The following SLC4A4 variants were observed in gnomAD, a reference collection of about 807,000 sequenced individuals.
SLC4A4 encodes electrogenic sodium bicarbonate cotransporter 1.
In SLC4A4, 27 loss-of-function variants were observed where a neutral mutation model predicts 111.5. The ratio of observed to expected loss-of-function variants is 0.24; its 90% CI spans 0.18 to 0.33. The LOEUF is 0.33. Among genes scored for constraint, SLC4A4 ranks in the 10% least tolerant of loss-of-function variants. The pLI, the probability that SLC4A4 is intolerant of heterozygous loss-of-function variation, is 1.00. For synonymous variants in SLC4A4, 443 were observed against 463.4 expected (o/e 0.96, Z 0.57); for missense variants, 909 against 1,315.5 (o/e 0.69, Z 4.78).
chr4:71,329,092 G>A (rs773819658), intron 3 of SLC4A4, among the ~76,000 whole-genome samples: 4 of 151,946 alleles, frequency 2.6e-5, no homozygotes, highest in Non-Finnish European at 5.9e-5. Flanking sequence ...CCCAATGTAT[G>A]TTCTTGGCAC....
intron 13 of SLC4A4, among the ~76,000 whole-genome samples, chr4:71,469,229 G>T (rs1440115032): frequency 6.6e-6 from 1 of 151,820 alleles, no homozygotes; most frequent in African/African-American, 2.4e-5. Flanking sequence ...GTGTTCTAAG[G>T]TATATAAAAA....
intron 16 of SLC4A4, among the ~76,000 whole-genome samples, chr4:71,522,729 T>C (rs548902624): frequency 1.3e-5 from 2 of 152,340 alleles, no homozygotes; most frequent in East Asian, 1.9e-4. Flanking sequence ...CATAAGATTA[T>C]TTTTAATATA....
At chr4:71,513,227 A>G (rs533228086) in intron 16 of SLC4A4, among the ~76,000 whole-genome samples, 5 of 152,182 alleles carry the variant, frequency 3.3e-5, no homozygotes, top group South Asian at 2.1e-4. Flanking sequence ...TGCTTTGTAC[A>G]TTATGGTCAT....
chr4:71,255,441 C>G, intron 3 of SLC4A4, 42 bp downstream of exon 3: 1 of 1,598,252 alleles, frequency 6.3e-7, no homozygotes, highest in Non-Finnish European at 8.6e-7. Context: ...CTGCCTCACT[C>G]CCACATCTTT....
At chr4:71,390,729 T>C (rs937569514) in intron 6 of SLC4A4, among the ~76,000 whole-genome samples, 1 of 152,160 alleles carries the variant, frequency 6.6e-6, no homozygotes, top group Non-Finnish European at 1.5e-5. Flanking sequence ...CATTTTCTCT[T>C]TATTAGCCAT....
intron 1 of SLC4A4, among the ~76,000 whole-genome samples, chr4:71,191,150 A>G (rs757183335): frequency 6.6e-6 from 1 of 152,252 alleles, no homozygotes; most frequent in African/African-American, 2.4e-5. Flanking sequence ...AGGCTAAGCT[A>G]TGATGTTTGG....
intron 1 of SLC4A4, among the ~76,000 whole-genome samples, chr4:71,190,868 A>G (rs1024384508): frequency 6.6e-6 from 1 of 151,890 alleles, no homozygotes; most frequent in Non-Finnish European, 1.5e-5. Flanking sequence ...CCTTAATGAT[A>G]ATGTCTTACT....
chr4:71,437,721 A>T (rs1459673454), intron 7 of SLC4A4: 2 of 344,198 alleles, frequency 5.8e-6, no homozygotes, highest in Admixed American at 3.0e-5. Flanking sequence ...TCTTATTGGG[A>T]TGAGCGGCCC....
intron 2 of SLC4A4, among the ~76,000 whole-genome samples, chr4:71,241,716 A>C (rs1342120228): frequency 1.3e-5 from 2 of 152,220 alleles, no homozygotes; most frequent in Admixed American, 1.3e-4. Flanking sequence ...GTGTGTACAG[A>C]GGAAACTCTT....
chr4:71,448,280 A>G lies in SLC4A4; in HGVS notation c.1053+547A>G, dbSNP rs543089026. Reference sequence around the variant, plus strand: ...GGTTGCAGTGAGCTGAGATCACGCCACTGCACTCCAGCCTGGGCAACAGAG... The same window carrying G: ...GGTTGCAGTGAGCTGAGATCACGCCGCTGCACTCCAGCCTGGGCAACAGAG... On this transcript the variant is annotated intron_variant, in intron 9 of 25. Transcript: ENST00000264485. Among the ~76,000 whole-genome samples the G allele has an allele frequency of 7.4e-5, 11 of 148,570 alleles. No individual in the cohort carries two copies. In the South Asian group the frequency reaches 1.3e-3, roughly 18 times the overall value.
At chr4:71,457,094 T>C (rs969743255) in intron 12 of SLC4A4, among the ~76,000 whole-genome samples, 2 of 152,202 alleles carry the variant, frequency 1.3e-5, no homozygotes, top group Non-Finnish European at 2.9e-5. Flanking sequence ...AAAACACAGA[T>C]GAGTCACTGC....
At chr4:71,486,809 TAAAA>T in intron 14 of SLC4A4, 135 bp from the exon 15 acceptor site, 1 of 552,924 alleles carries the variant, frequency 1.8e-6, no homozygotes, top group South Asian at 2.3e-5. Flanking sequence ...TTATAATAAA[TAAAA>T]ATTCATTGTG....
intron 18 of SLC4A4, among the ~76,000 whole-genome samples, chr4:71,540,747 C>T (rs1307622146): frequency 6.6e-6 from 1 of 152,036 alleles, no homozygotes; most frequent in Non-Finnish European, 1.5e-5. Flanking sequence ...GTTTTCATGT[C>T]TGCCCTCAAT....
chr4:71,552,766 T>C, intron 20 of SLC4A4, among the ~76,000 whole-genome samples: 1 of 151,910 alleles, frequency 6.6e-6, no homozygotes, highest in East Asian at 1.9e-4. Flanking sequence ...ATTTGGCAAT[T>C]CTTGATATGC....
chr4:71,237,162 T>C (rs1369883366), intron 2 of SLC4A4, among the ~76,000 whole-genome samples: 1 of 152,142 alleles, frequency 6.6e-6, no homozygotes, highest in Non-Finnish European at 1.5e-5. Flanking sequence ...GGACAAGCAT[T>C]TTTTATTTAA....
intron 16 of SLC4A4, among the ~76,000 whole-genome samples, chr4:71,511,909 C>T (rs138001477): frequency 1.1e-3 from 161 of 152,166 alleles, no homozygotes; most frequent in African/African-American, 3.8e-3. Flanking sequence ...AACACAATGA[C>T]CTTCGGTTTT....
intron 2 of SLC4A4, among the ~76,000 whole-genome samples, chr4:71,131,026 A>G (rs905042466): frequency 1.3e-5 from 2 of 152,216 alleles, no homozygotes; most frequent in Non-Finnish European, 2.9e-5. Flanking sequence ...AGTGAGTGAT[A>G]CATGCTAGAA....
At chr4:71,154,169 C>T (rs1052332091) in intron 2 of SLC4A4, among the ~76,000 whole-genome samples, 32 of 152,282 alleles carry the variant, frequency 2.1e-4, no homozygotes, top group Admixed American at 1.3e-4. Context: ...GTTCAAGGAG[C>T]TTTGCCTCTA....
intron 2 of SLC4A4, among the ~76,000 whole-genome samples, chr4:71,136,691 T>C (rs910451905): frequency 6.6e-6 from 1 of 152,324 alleles, no homozygotes. Flanking sequence ...ATCTCTTGGA[T>C]TCTCAGTTTC....
Sources: allele counts gnomAD v4.1 joint callset (sites outside exome capture counted in the v4.1 genomes callset), GRCh38; gene constraint gnomAD v4.1.1; transcripts MANE v1.5; gene names NCBI Gene and HGNC (gene_info 2026-07-23, HGNC 2026-07-21).